The following MTSS1 variants were observed in gnomAD, a reference collection of about 807,000 sequenced individuals.
MTSS1 encodes the protein protein MTSS 1.
MTSS1 carries 18 observed loss-of-function variants against 79.0 expected under a neutral mutation model. The ratio of observed to expected loss-of-function variants is 0.23; its 90% CI spans 0.16 to 0.34. The LOEUF (loss-of-function observed/expected upper bound fraction) is 0.34, where lower values mean the gene tolerates loss of function less well. Among genes scored for constraint, MTSS1 ranks in the 10% least tolerant of loss-of-function variants. The pLI, the probability that MTSS1 is intolerant of heterozygous loss-of-function variation, is 1.00. For missense variants in MTSS1, 815 were observed against 986.2 expected, an observed-to-expected ratio of 0.83 and a Z score of 2.33; for synonymous variants, 341 against 368.6, an observed-to-expected ratio of 0.93 and a Z score of 0.86.
chr8:124,574,291 G>A (rs1443314672), intron 6 of MTSS1, among the ~76,000 whole-genome samples: 1 of 152,134 alleles, frequency 6.6e-6, no homozygotes, highest in Non-Finnish European at 1.5e-5. Context: ...GAGTTTTCTG[G>A]AATGAAATAA....
At position 124,654,293 on chromosome 8, in the gene MTSS1, TC is replaced by T. The variant is rs1293254702; in HGVS notation, c.208+45232del. Among the ~76,000 whole-genome samples the T allele has an allele frequency of 2.0e-5, 3 of 152,200 alleles. No homozygotes were observed. The East Asian group carries it at 5.8e-4, about 29-fold the overall frequency. Reference sequence around the variant, plus strand: ...TTAAATGTTTCACCGTCTTCGCTCATCCAGTGTTCATTTTAATGACACAGAT... The same window carrying T: ...TTAAATGTTTCACCGTCTTCGCTCATCAGTGTTCATTTTAATGACACAGAT... On this transcript the variant is annotated intron_variant, in intron 3 of 13. Coordinates refer to ENST00000518547, the MANE Select transcript of MTSS1 (RefSeq NM_014751.6).
At position 124,638,561 on chromosome 8, in the gene MTSS1, C is replaced by T. The variant is rs149850051; in HGVS notation, c.209-47326G>A. On this transcript the variant is annotated intron_variant, in intron 3 of 13. Transcript: ENST00000518547. ...GCCCTTCGGTACAGTGTCAGGAAAC[C>T]GGAGGGTCTGTGATGAGATAAGCAG... 3.2e-4 allele frequency among the ~76,000 whole-genome samples: 48 copies of T among 152,264 alleles called. No homozygotes were observed. The East Asian group carries it at 6.0e-3, about 19-fold the overall frequency.
intron 1 of MTSS1, among the ~76,000 whole-genome samples, chr8:124,722,507 T>C (rs555166470): frequency 1.1e-4 from 16 of 152,242 alleles, no homozygotes; most frequent in Admixed American, 2.6e-4. Flanking sequence ...CATACTCAGA[T>C]GAAACCTGCA....
chr8:124,596,585 G>C (rs1031796218), intron 3 of MTSS1, among the ~76,000 whole-genome samples: 1 of 152,328 alleles, frequency 6.6e-6, no homozygotes, highest in Middle Eastern at 3.4e-3. Flanking sequence ...CGATCCACAA[G>C]CGTCCACTGA....
intron 3 of MTSS1, among the ~76,000 whole-genome samples, chr8:124,661,745 C>T (rs536720057): frequency 5.3e-4 from 80 of 152,294 alleles, no homozygotes; most frequent in African/African-American, 1.8e-3. Context: ...AGCACTGTCC[C>T]ATAAAGGATT....
intron 3 of MTSS1, among the ~76,000 whole-genome samples, chr8:124,633,391 T>A (rs992530960): frequency 3.3e-5 from 5 of 152,194 alleles, no homozygotes; most frequent in African/African-American, 1.2e-4. Flanking sequence ...TAGTATTGAG[T>A]GGCTTTGTCA....
At chr8:124,726,028 G>A (rs932298962) in intron 1 of MTSS1, among the ~76,000 whole-genome samples, 1 of 152,052 alleles carries the variant, frequency 6.6e-6, no homozygotes, top group Non-Finnish European at 1.5e-5. Flanking sequence ...ATAGGATACT[G>A]AACAAACCTA....
At chr8:124,662,709 TG>T (rs921604277) in intron 3 of MTSS1, among the ~76,000 whole-genome samples, 7 of 131,478 alleles carry the variant, frequency 5.3e-5, no homozygotes, top group African/African-American at 2.1e-4. Context: ...TTGTAAATAT[TG>T]GGGGAGGGGG....
chr8:124,650,864 C>T (rs1260746717), intron 3 of MTSS1, among the ~76,000 whole-genome samples: 3 of 152,158 alleles, frequency 2.0e-5, no homozygotes, highest in African/African-American at 7.2e-5. Context: ...TGGTGTATGG[C>T]CCGGATTCAA....
chr8:124,665,135 TC>T (rs1380054238), intron 3 of MTSS1, among the ~76,000 whole-genome samples: 1 of 152,204 alleles, frequency 6.6e-6, no homozygotes, highest in East Asian at 1.9e-4. Flanking sequence ...TACCAGATAA[TC>T]TGGTCAGTAA....
intron 7 of MTSS1, chr8:124,567,976 G>C: frequency 7.4e-7 from 1 of 1,349,104 alleles, no homozygotes; most frequent in Non-Finnish European, 9.5e-7. Context: ...CTACAACAGT[G>C]AGTCTCAAAA....
At chr8:124,571,429 A>G (rs980589994) in intron 6 of MTSS1, among the ~76,000 whole-genome samples, 1 of 152,270 alleles carries the variant, frequency 6.6e-6, no homozygotes, top group Non-Finnish European at 1.5e-5. Context: ...GCCAAACAGC[A>G]TGGCCAATTG....
chr8:124,699,731 C>T lies in MTSS1; in HGVS notation c.135-132G>A, dbSNP rs1236724696. ...CAGAAATAACTCAACTGAGCATGGA[C>T]AACCACTGTCTTGCTGAACCCACTT... On this transcript the variant is annotated intron_variant, in intron 2 of 13. Transcript: ENST00000518547. 1.0e-5 allele frequency: 8 copies of T among 792,112 alleles called. No homozygotes were observed. In the East Asian group the frequency reaches 2.2e-4, roughly 21 times the overall value. The allele number at this position is 792,112 out of a possible 1,614,324, so 49.1% of individuals were successfully genotyped here.
intron 6 of MTSS1, among the ~76,000 whole-genome samples, chr8:124,583,036 A>G (rs1458859555): frequency 6.6e-6 from 1 of 152,222 alleles, no homozygotes; most frequent in Non-Finnish European, 1.5e-5. Context: ...GACAGAAATA[A>G]AAATTATTTT....
intron 3 of MTSS1, among the ~76,000 whole-genome samples, chr8:124,695,335 T>TTA (rs1554722954): frequency 1.4e-5 from 2 of 144,730 alleles, no homozygotes; most frequent in African/African-American, 2.5e-5. Context: ...TCAAGAGGGA[T>TTA]AAAAAAAAAA....
intron 3 of MTSS1, among the ~76,000 whole-genome samples, chr8:124,607,669 A>G (rs533113751): frequency 3.9e-5 from 6 of 152,300 alleles, no homozygotes; most frequent in African/African-American, 1.4e-4. Flanking sequence ...ATGGAAGGGC[A>G]TAACTGGTTT....
Position 124,661,908 on chromosome 8 carries a change from C to T in MTSS1, c.208+37618G>A, listed in dbSNP as rs896144391. 2.0e-5 allele frequency among the ~76,000 whole-genome samples: 3 copies of T among 152,326 alleles called. No homozygotes were observed. The South Asian group carries it at 6.2e-4, about 32-fold the overall frequency. ...TTTGTAAAGTATGAGGGCCATGCTC[C>T]ATTCATCTTCACGTCCTTTGTGTCT... On this transcript the variant is annotated intron_variant, in intron 3 of 13. Coordinates refer to ENST00000518547, the MANE Select transcript of MTSS1 (RefSeq NM_014751.6).
rs2131697688 is a variant in MTSS1 at position 124,553,979 on chromosome 8, G to A, written c.1568-287C>T. On this transcript the variant is annotated intron_variant, in intron 13 of 13. Transcript: ENST00000518547. This position sits in a 1 kb window ranked among gnomAD's most constrained non-coding sequence, Gnocchi z 6.0. ...GAAGGTAAAGCTGCTAGGCTGCAGCGAAGCTACCTGCAAGCGTCTCTGGGA... is the reference window on the plus strand; with the variant it reads ...GAAGGTAAAGCTGCTAGGCTGCAGCAAAGCTACCTGCAAGCGTCTCTGGGA... Among the ~76,000 whole-genome samples the A allele has an allele frequency of 6.6e-6, 1 of 152,324 alleles. No individual in the cohort carries two copies. The highest frequency in any genetic ancestry group is 1.9e-4 in the East Asian group (1 of 5,182).
chr8:124,660,927 A>G (rs1403420226), intron 3 of MTSS1, among the ~76,000 whole-genome samples: 1 of 151,778 alleles, frequency 6.6e-6, no homozygotes, highest in East Asian at 1.9e-4. Flanking sequence ...ACACATACAC[A>G]CCCTCCCACG....
Sources: allele counts gnomAD v4.1 joint callset (sites outside exome capture counted in the v4.1 genomes callset), GRCh38; gene constraint gnomAD v4.1.1; non-coding constraint Gnocchi (gnomAD v3.1); transcripts MANE v1.5; gene names NCBI Gene and HGNC (gene_info 2026-07-23, HGNC 2026-07-21).